Variants in CCDC85A observed in about 807,000 individuals in gnomAD.
The protein encoded by CCDC85A is coiled-coil domain containing 85A, also known as coiled-coil domain-containing protein 85A.
A neutral mutation model predicts 50.2 loss-of-function variants in CCDC85A; 38 were observed. That is an observed-to-expected ratio of 0.76 (90% CI 0.58 to 0.99). The LOEUF is 0.99. Ranked by LOEUF, CCDC85A falls within the 50% of genes least tolerant of loss-of-function variation. The pLI, the probability that CCDC85A is intolerant of heterozygous loss-of-function variation, is 0.00. For synonymous variants in CCDC85A, 366 were observed against 301.4 expected, an observed-to-expected ratio of 1.21 and a Z score of -2.22; for missense variants, 820 against 742.0, an observed-to-expected ratio of 1.11 and a Z score of -1.22.
Position 56,184,881 on chromosome 2 carries a change from G to C in CCDC85A, c.257G>C (p.Gly86Ala), listed in dbSNP as rs1675934190. 6.6e-7 allele frequency: 1 copy of C among 1,523,414 alleles called. No individual in the cohort carries two copies. Among genetic ancestry groups the C allele is most frequent in the African/African-American group, 1.4e-5 (1 of 70,552 alleles). The allele number at this position is 1,523,414 out of a possible 1,614,324, so 94.4% of individuals were successfully genotyped here. A position where few individuals can be genotyped will look rare whatever the true frequency, so the allele number is the denominator to read the frequency against. ...EVNRRLQLHL[G>A]EIRGLKDINQ... is the part of the protein sequence containing the mutation. ...AACCGCCGCCTGCAGCTGCACCTCG[G>C]CGAGATCCGCGGCCTCAAGGTGAGC... is the stretch of plus-strand genomic sequence containing the variant. The change falls in exon 1 of 6, where the codon GGC (glycine) becomes GCC (alanine). Residue 86 changes from glycine (G) to alanine (A), a missense_variant. Coordinates refer to ENST00000407595, the MANE Select transcript of CCDC85A (RefSeq NM_001080433.2).
At chr2:56,243,556 T>A (rs1381387924) in intron 2 of CCDC85A, among the ~76,000 whole-genome samples, 1 of 152,218 alleles carries the variant, frequency 6.6e-6, no homozygotes, top group Non-Finnish European at 1.5e-5. Context: ...ATCTTGAATT[T>A]TTTTGAGTTT....
chr2:56,276,750 A>G (rs1413540780), intron 2 of CCDC85A, among the ~76,000 whole-genome samples: 1 of 151,976 alleles, frequency 6.6e-6, no homozygotes, highest in East Asian at 1.9e-4. Flanking sequence ...ATTTTTTTTA[A>G]CTTTTATTTT....
chr2:56,349,789 T>G lies in CCDC85A; in HGVS notation c.1317+6834T>G, dbSNP rs550615633. ...TATTTAATAGTGTTGCCTTTTTATA[T>G]CTACACTGGTATATTAATAATTCTA... On this transcript the variant is annotated intron_variant, in intron 3 of 5. Coordinates refer to ENST00000407595, the MANE Select transcript of CCDC85A (RefSeq NM_001080433.2). 5.3e-5 allele frequency among the ~76,000 whole-genome samples: 8 copies of G among 152,310 alleles called. No homozygotes were observed. The East Asian group carries it at 1.3e-3, about 26-fold the overall frequency.
intron 2 of CCDC85A, among the ~76,000 whole-genome samples, chr2:56,331,984 A>G (rs1445669088): frequency 1.3e-5 from 2 of 151,758 alleles, no homozygotes; most frequent in Non-Finnish European, 2.9e-5. Flanking sequence ...AGAGCCTCTC[A>G]TTCAGTGTCG....
chr2:56,360,828 G>A (rs181975138), intron 3 of CCDC85A, among the ~76,000 whole-genome samples: 11 of 152,304 alleles, frequency 7.2e-5, no homozygotes, highest in Admixed American at 2.0e-4. Context: ...CTAAACAGAA[G>A]CAGTGACCTC....
chr2:56,291,859 G>A (rs1178215209), intron 2 of CCDC85A, among the ~76,000 whole-genome samples: 1 of 151,622 alleles, frequency 6.6e-6, no homozygotes, highest in Non-Finnish European at 1.5e-5. Flanking sequence ...GACTCCTGAA[G>A]GGAGAATTGT....
intron 2 of CCDC85A, among the ~76,000 whole-genome samples, chr2:56,284,444 C>T (rs766483462): frequency 2.6e-5 from 4 of 152,176 alleles, no homozygotes; most frequent in Admixed American, 6.5e-5. Flanking sequence ...GTGATCTAGG[C>T]TCACTGCAAC....
At chr2:56,196,593 C>T (rs1029721528) in intron 2 of CCDC85A, among the ~76,000 whole-genome samples, 1 of 152,048 alleles carries the variant, frequency 6.6e-6, no homozygotes, top group Non-Finnish European at 1.5e-5. Flanking sequence ...AGCTGGCAGG[C>T]CTTTGCTTTT....
intron 2 of CCDC85A, among the ~76,000 whole-genome samples, chr2:56,248,172 G>C (rs1669592686): frequency 6.6e-6 from 1 of 152,224 alleles, no homozygotes; most frequent in East Asian, 1.9e-4. Flanking sequence ...TCTGCTCTCT[G>C]AATATTCCAT....
At chr2:56,269,594 G>T (rs2104056310) in intron 2 of CCDC85A, among the ~76,000 whole-genome samples, 1 of 152,224 alleles carries the variant, frequency 6.6e-6, no homozygotes, top group South Asian at 2.1e-4. Flanking sequence ...ATTCTCCAGA[G>T]AAAGGGTATG....
chr2:56,345,423 C>G (rs10460559), intron 3 of CCDC85A, among the ~76,000 whole-genome samples: 13,653 of 152,192 alleles, frequency 0.09, 882 homozygotes, highest in East Asian at 0.31. Context: ...ATTTACTTGT[C>G]AAAGTAATTT....
At chr2:56,383,868 CT>C in intron 5 of CCDC85A, 1 of 530,124 alleles carries the variant, frequency 1.9e-6, no homozygotes, top group Non-Finnish European at 2.4e-6. Context: ...ATTAGAATTA[CT>C]TTTAGAGCTT....
chr2:56,186,266 A>G (rs1676042407), intron 1 of CCDC85A, among the ~76,000 whole-genome samples: 1 of 152,222 alleles, frequency 6.6e-6, no homozygotes, highest in Admixed American at 6.5e-5. Flanking sequence ...TTTGGGGAAT[A>G]GAGGCAGGCT....
At chr2:56,381,829 T>C (rs529513830) in intron 5 of CCDC85A, among the ~76,000 whole-genome samples, 2 of 152,108 alleles carry the variant, frequency 1.3e-5, no homozygotes, top group South Asian at 4.1e-4. Flanking sequence ...CATTACTGGA[T>C]TGGATTTTGA....
At chr2:56,347,666 T>C (rs1390925578) in intron 3 of CCDC85A, among the ~76,000 whole-genome samples, 1 of 152,190 alleles carries the variant, frequency 6.6e-6, no homozygotes, top group Non-Finnish European at 1.5e-5. Flanking sequence ...GGAAAATTTA[T>C]GCTTAACAGA....
intron 2 of CCDC85A, among the ~76,000 whole-genome samples, chr2:56,239,505 C>A (rs1669164350): frequency 6.6e-6 from 1 of 152,100 alleles, no homozygotes; most frequent in Non-Finnish European, 1.5e-5. Flanking sequence ...CAGTTTGAAT[C>A]ACTTAGGTTA....
chr2:56,223,133 A>T (rs748174135), intron 2 of CCDC85A, among the ~76,000 whole-genome samples: 1 of 152,204 alleles, frequency 6.6e-6, no homozygotes, highest in Non-Finnish European at 1.5e-5. Context: ...AGCATCACTG[A>T]AATAAATATA....
chr2:56,198,485 A>T (rs951920519), intron 2 of CCDC85A, among the ~76,000 whole-genome samples: 1 of 152,232 alleles, frequency 6.6e-6, no homozygotes, highest in Non-Finnish European at 1.5e-5. Context: ...CTTTGATAAG[A>T]CATCAACTTA....
chr2:56,362,475 A>T (rs1190516717), intron 3 of CCDC85A, among the ~76,000 whole-genome samples: 1 of 152,098 alleles, frequency 6.6e-6, no homozygotes, highest in Non-Finnish European at 1.5e-5. Flanking sequence ...TCATCAATGA[A>T]TGCTGAGGGA....
Sources: allele counts gnomAD v4.1 joint callset (sites outside exome capture counted in the v4.1 genomes callset), GRCh38; gene constraint gnomAD v4.1.1; transcripts MANE v1.5; gene names NCBI Gene and HGNC (gene_info 2026-07-23, HGNC 2026-07-21).